NCAM1: variants seen among roughly 807,000 people sequenced by gnomAD.
NCAM1 encodes the protein neural cell adhesion molecule 1.
NCAM1 carries 14 observed loss-of-function variants against 109.8 expected under a neutral mutation model. The ratio of observed to expected loss-of-function variants is 0.13; its 90% CI spans 0.08 to 0.20. The LOEUF is 0.20. Ranked by LOEUF, NCAM1 falls within the 10% of genes least tolerant of loss-of-function variation. The pLI is 1.00. For missense variants in NCAM1, 774 were observed against 1,109.9 expected (o/e 0.70, Z 4.30); for synonymous variants, 418 against 442.9 (o/e 0.94, Z 0.70).
At chr11:113,208,633 C>T (rs782758781) in intron 7 of NCAM1, among the ~76,000 whole-genome samples, 31 of 152,096 alleles carry the variant, frequency 2.0e-4, no homozygotes, top group Non-Finnish European at 4.3e-4. Flanking sequence ...ATTCAACTCC[C>T]TCTGCACTGC....
At chr11:113,061,095 C>T (rs1937623060) in intron 1 of NCAM1, among the ~76,000 whole-genome samples, 1 of 152,170 alleles carries the variant, frequency 6.6e-6, no homozygotes, top group Admixed American at 6.5e-5. Context: ...TAGCCACTAC[C>T]ATTCTACTCT....
At chr11:113,173,519 A>C (rs2136483834) in intron 1 of NCAM1, among the ~76,000 whole-genome samples, 1 of 150,534 alleles carries the variant, frequency 6.6e-6, no homozygotes, top group South Asian at 2.1e-4. Context: ...GTTTATCCAG[A>C]GATGTTTTTC....
intron 1 of NCAM1, among the ~76,000 whole-genome samples, chr11:113,155,414 C>G (rs1555103283): frequency 6.6e-6 from 1 of 151,662 alleles, no homozygotes; most frequent in Non-Finnish European, 1.5e-5. Flanking sequence ...GAGGCTGAGA[C>G]AGGAGAATCA....
intron 1 of NCAM1, among the ~76,000 whole-genome samples, chr11:113,090,906 G>A (rs902326851): frequency 6.6e-6 from 1 of 152,232 alleles, no homozygotes; most frequent in South Asian, 2.1e-4. Context: ...AAAGGTATGG[G>A]AAAGAGTCAT....
chr11:113,225,126 A>C (rs1015242060), intron 9 of NCAM1, among the ~76,000 whole-genome samples: 1 of 152,220 alleles, frequency 6.6e-6, no homozygotes, highest in Non-Finnish European at 1.5e-5. Context: ...CAGACGATCA[A>C]ACTTCTCCGA....
chr11:113,250,269 C>T (rs1326397570), intron 15 of NCAM1, among the ~76,000 whole-genome samples: 1 of 152,176 alleles, frequency 6.6e-6, no homozygotes, highest in East Asian at 1.9e-4. Flanking sequence ...AAAAGAGGCG[C>T]CAGGGAGAGA....
At chr11:112,967,425 A>G (rs1410251799) in intron 1 of NCAM1, among the ~76,000 whole-genome samples, 1 of 152,192 alleles carries the variant, frequency 6.6e-6, no homozygotes, top group Non-Finnish European at 1.5e-5. Flanking sequence ...AGTAGTAGAG[A>G]CTAGAGATTA....
intron 15 of NCAM1, among the ~76,000 whole-genome samples, chr11:113,248,071 A>G (rs868914522): frequency 2.6e-5 from 4 of 152,158 alleles, no homozygotes; most frequent in South Asian, 4.1e-4. Flanking sequence ...ACAAAGCACA[A>G]TGTTAATAAG....
Position 113,231,668 on chromosome 11 carries a change from G to A in NCAM1, c.1113G>A (p.Val371=), listed in dbSNP as rs1555117236. The A allele has an allele frequency of 2.5e-6, 4 of 1,613,712 alleles. No homozygotes were observed. The highest frequency in any genetic ancestry group is 1.3e-5 in the African/African-American group (1 of 74,840). Residue 371 remains valine (V), a synonymous_variant, in exon 10 of 20, where the codon GTG becomes GTA. Coordinates refer to ENST00000316851, the MANE Select transcript of NCAM1 (RefSeq NM_181351.5). ...AGACTCTGGATGGGCACATGGTGGT[G>A]CGTAGCCATGCCCGTGTGTCGTCGC... ...KQETLDGHMV[V]RSHARVSSLT...
chr11:113,015,889 G>A (rs1418794788), intron 1 of NCAM1, among the ~76,000 whole-genome samples: 1 of 152,084 alleles, frequency 6.6e-6, no homozygotes, highest in Admixed American at 6.5e-5. Context: ...ATAAAAGGAG[G>A]GCATAGAGAA....
chr11:113,245,442 A>C (rs1198409694), intron 14 of NCAM1, among the ~76,000 whole-genome samples: 1 of 152,232 alleles, frequency 6.6e-6, no homozygotes, highest in Non-Finnish European at 1.5e-5. Flanking sequence ...ACCGTTTCAA[A>C]ACAAAAAACT....
chr11:113,242,566 C>T (rs7929707), intron 14 of NCAM1, among the ~76,000 whole-genome samples: 33,397 of 152,012 alleles, frequency 0.22, 4,000 homozygotes, highest in South Asian at 0.26. Context: ...GACAAGATCG[C>T]ACCATTGCAC....
chr11:113,192,995 G>A (rs1943731104), intron 1 of NCAM1, among the ~76,000 whole-genome samples: 1 of 152,184 alleles, frequency 6.6e-6, no homozygotes, highest in African/African-American at 2.4e-5. Context: ...CTCAGTGCAT[G>A]AGGCTGCAGG....
chr11:113,005,074 T>G (rs1289417877), intron 1 of NCAM1, among the ~76,000 whole-genome samples: 1 of 152,168 alleles, frequency 6.6e-6, no homozygotes, highest in Non-Finnish European at 1.5e-5. Context: ...GTTTTATAGA[T>G]GTAGTATATT....
intron 1 of NCAM1, among the ~76,000 whole-genome samples, chr11:112,982,721 A>G (rs1338350155): frequency 4.6e-5 from 7 of 151,950 alleles, no homozygotes; most frequent in African/African-American, 1.7e-4. Flanking sequence ...GGTGAGGCGC[A>G]TGGTAAGAGT....
At chr11:113,104,710 C>A (rs1364565341) in intron 1 of NCAM1, among the ~76,000 whole-genome samples, 1 of 152,130 alleles carries the variant, frequency 6.6e-6, no homozygotes, top group African/African-American at 2.4e-5. Context: ...AATTACTGAT[C>A]TTTTGAACCT....
chr11:113,231,214 T>G (rs1555117126), intron 9 of NCAM1: 1 of 1,536,164 alleles, frequency 6.5e-7, no homozygotes, highest in East Asian at 2.4e-5. Context: ...ACCATGGAAC[T>G]GGCAAGTGGG....
intron 1 of NCAM1, among the ~76,000 whole-genome samples, chr11:113,036,399 G>A (rs1245922719): frequency 2.0e-5 from 3 of 151,710 alleles, no homozygotes; most frequent in Non-Finnish European, 2.9e-5. Context: ...TGCCTGGCTC[G>A]CTCCTCTGCT....
intron 1 of NCAM1, among the ~76,000 whole-genome samples, chr11:112,980,009 A>G (rs1451985823): frequency 1.3e-5 from 2 of 151,774 alleles, no homozygotes; most frequent in Admixed American, 6.6e-5. Context: ...AATAGAAAGT[A>G]CTTCCTTGAC....
Sources: gnomAD v4.1 joint callset for allele counts (sites outside exome capture counted in the v4.1 genomes callset) on GRCh38, gnomAD v4.1.1 for gene constraint, MANE v1.5 for transcripts, NCBI Gene and HGNC (gene_info 2026-07-23, HGNC 2026-07-21) for gene names.